AQR: variants seen among roughly 807,000 people sequenced by gnomAD.
AQR encodes the protein RNA helicase aquarius.
Under a neutral mutation model 180.5 loss-of-function variants are expected in AQR, and 61 were observed. The observed-to-expected ratio is 0.34, with a 90% CI of 0.28 to 0.42. The LOEUF (loss-of-function observed/expected upper bound fraction) is 0.42, where lower values mean the gene tolerates loss of function less well. Among genes scored for constraint, AQR ranks in the 10% least tolerant of loss-of-function variants. The pLI is 1.00. For missense variants in AQR, 1,281 were observed against 1,798.3 expected, an observed-to-expected ratio of 0.71 and a Z score of 5.20; for synonymous variants, 551 against 588.8, an observed-to-expected ratio of 0.94 and a Z score of 0.93.
At position 34,884,534 on chromosome 15, in the gene AQR, C is replaced by T. The variant is rs764066368; in HGVS notation, c.3018G>A (p.Thr1006=). The T allele has an allele frequency of 1.6e-5, 25 of 1,588,326 alleles. No individual in the cohort carries two copies. The highest frequency in any genetic ancestry group is 6.9e-5 in the East Asian group (3 of 43,482). ...ACTTGAGAATCCTTACCTCAAGCTG[C>T]GTAAAGATTTTCTTAATATGCCTGA... ...GCFRHIKKIF[T]QLEEFRASEL... Residue 1006 remains threonine, a synonymous_variant, in exon 26 of 35, where the codon ACG becomes ACA. Transcript: ENST00000156471.
At chr15:34,940,845 A>T in intron 8 of AQR, 54 bp downstream of exon 8, 5 of 1,340,104 alleles carry the variant, frequency 3.7e-6, no homozygotes, top group Admixed American at 1.9e-5. Context: ...ACATCATCTA[A>T]GGTCCACAAT....
intron 4 of AQR, among the ~76,000 whole-genome samples, chr15:34,949,212 T>C (rs1480964201): frequency 6.6e-6 from 1 of 151,484 alleles, no homozygotes; most frequent in Admixed American, 6.6e-5. Context: ...CAGGCTGGTC[T>C]TGAACTCCCA....
chr15:34,904,229 TA>T, intron 19 of AQR, 106 bp downstream of exon 19: 1 of 716,550 alleles, frequency 1.4e-6, no homozygotes, highest in Non-Finnish European at 2.0e-6. Context: ...AAGCAGTCAT[TA>T]TTTTTTTCTT....
chr15:34,867,270 T>G (rs748229610), intron 32 of AQR, among the ~76,000 whole-genome samples: 5 of 152,122 alleles, frequency 3.3e-5, no homozygotes, highest in Non-Finnish European at 5.9e-5. Flanking sequence ...TAAGATTTTA[T>G]GATAAAACGC....
At chr15:34,899,420 C>CACT (rs1292765730) in intron 20 of AQR, among the ~76,000 whole-genome samples, 1 of 151,962 alleles carries the variant, frequency 6.6e-6, no homozygotes. Flanking sequence ...TCTGTCTCAC[C>CACT]CAGGCTAGAG....
At chr15:34,906,085 T>C (rs981753291) in intron 18 of AQR, among the ~76,000 whole-genome samples, 1 of 151,970 alleles carries the variant, frequency 6.6e-6, no homozygotes, top group African/African-American at 2.4e-5. Flanking sequence ...AACATAGAAG[T>C]TCTGAAACTG....
intron 10 of AQR, 120 bp downstream of exon 10, chr15:34,934,447 TAATA>T (rs1260949409): frequency 2.5e-6 from 1 of 403,476 alleles, no homozygotes; most frequent in Non-Finnish European, 4.3e-6. Context: ...TTGAAATATA[TAATA>T]AATATATACA....
chr15:34,945,792 C>CT (rs1894102360), intron 5 of AQR, among the ~76,000 whole-genome samples: 1 of 152,154 alleles, frequency 6.6e-6, no homozygotes, highest in South Asian at 2.1e-4. Context: ...GCATCCATTC[C>CT]TTTTTTTCAT....
chr15:34,857,391 G>T (rs1038754870), intron 34 of AQR, among the ~76,000 whole-genome samples: 10 of 152,178 alleles, frequency 6.6e-5, no homozygotes, highest in African/African-American at 2.4e-4. Context: ...CAACATTTCT[G>T]CAAAAAACAG....
At chr15:34,859,194 C>G (rs1337718703) in intron 34 of AQR, among the ~76,000 whole-genome samples, 2 of 152,038 alleles carry the variant, frequency 1.3e-5, no homozygotes, top group Non-Finnish European at 2.9e-5. Flanking sequence ...TAAATAAAAA[C>G]CTCTCAAAAC....
At chr15:34,921,351 T>G (rs1485254418) in intron 13 of AQR, among the ~76,000 whole-genome samples, 24 of 149,966 alleles carry the variant, frequency 1.6e-4, no homozygotes, top group Non-Finnish European at 4.4e-5. Context: ...GGAGAATCGC[T>G]TAAACCCAGG....
At chr15:34,906,127 C>T (rs191695528) in intron 18 of AQR, among the ~76,000 whole-genome samples, 44 of 152,158 alleles carry the variant, frequency 2.9e-4, no homozygotes, top group African/African-American at 1.0e-3. Context: ...TGTCTGTAAT[C>T]CCAGCACTTT....
At chr15:34,946,921 A>T (rs8025893) in intron 5 of AQR, among the ~76,000 whole-genome samples, 9 of 144,226 alleles carry the variant, frequency 6.2e-5, no homozygotes, top group African/African-American at 2.3e-4. Flanking sequence ...CAGCCGCCCC[A>T]TCCGGGAGGT....
At chr15:34,950,413 TCTCAGATCTATTTTCTAGTTCATTCC>T (rs1393652489) in intron 4 of AQR, among the ~76,000 whole-genome samples, 1 of 152,104 alleles carries the variant, frequency 6.6e-6, no homozygotes, top group African/African-American at 2.4e-5. Context: ...TAGTTAATTC[TCTCAGATCTATTTTCTAGTTCATTCC>T]CTCAGATCTA....
intron 9 of AQR, among the ~76,000 whole-genome samples, chr15:34,936,148 T>C (rs987612629): frequency 6.6e-6 from 1 of 152,206 alleles, no homozygotes; most frequent in African/African-American, 2.4e-5. Flanking sequence ...TCAGCTATAC[T>C]GTAACTTTTT....
In AQR at chr15:34,948,247, T is replaced by C; in HGVS notation, c.330+17A>G. On this transcript the variant is annotated intron_variant, in intron 5 of 34. Transcript: ENST00000156471. ...GTGGGTCAGTATGAAAGCTATGAAG[T>C]ACTTTAAATCAGTTACCTCCCATGC... 6.2e-7 allele frequency: 1 copy of C among 1,612,558 alleles called. No individual in the cohort carries two copies. The highest frequency in any genetic ancestry group is 1.1e-5 in the South Asian group (1 of 90,834).
chr15:34,873,613 A>G (rs1892852967), intron 30 of AQR, among the ~76,000 whole-genome samples: 1 of 152,044 alleles, frequency 6.6e-6, no homozygotes, highest in Admixed American at 6.5e-5. Context: ...AACACTGTAT[A>G]TTCATTAATA....
At chr15:34,930,908 C>G (rs1218464742) in intron 11 of AQR, among the ~76,000 whole-genome samples, 1 of 147,250 alleles carries the variant, frequency 6.8e-6, no homozygotes, top group Non-Finnish European at 1.5e-5. Context: ...GCGATCTCGG[C>G]TCACTGCAAG....
rs1894312424 is a variant in AQR at position 34,956,137 on chromosome 15, C to T, written c.174-3217G>A. On this transcript the variant is annotated intron_variant, in intron 3 of 34. Transcript: ENST00000156471. Reference sequence around the variant, plus strand: ...TGAATTATTACTATAATTCGTAAGGCTATACATTTGTTTCATGCTGTTTTC... The same window carrying T: ...TGAATTATTACTATAATTCGTAAGGTTATACATTTGTTTCATGCTGTTTTC... 2.0e-5 allele frequency among the ~76,000 whole-genome samples: 3 copies of T among 151,990 alleles called. No individual in the cohort carries two copies. The South Asian group carries it at 6.2e-4, about 32-fold the overall frequency.
Sources: gnomAD v4.1 joint callset for allele counts (sites outside exome capture counted in the v4.1 genomes callset) on GRCh38, gnomAD v4.1.1 for gene constraint, MANE v1.5 for transcripts, NCBI Gene and HGNC (gene_info 2026-07-23, HGNC 2026-07-21) for gene names.